DLC1: variants seen among roughly 807,000 people sequenced by gnomAD.
The protein encoded by DLC1 is rho GTPase-activating protein 7.
DLC1 carries 54 observed loss-of-function variants against 140.3 expected under a neutral mutation model. The ratio of observed to expected loss-of-function variants is 0.38; its 90% confidence interval spans 0.31 to 0.48. The LOEUF (loss-of-function observed/expected upper bound fraction) is 0.48. Among genes scored for constraint, DLC1 ranks in the 20% least tolerant of loss-of-function variants. The pLI is 0.96. For missense variants in DLC1, 2,536 were observed against 1,907.0 expected (o/e 1.33, Z -6.14); for synonymous variants, 986 against 728.1 (o/e 1.35, Z -5.70).
chr8:13,473,982 A>T (rs576436228), intron 2 of DLC1, among the ~76,000 whole-genome samples: 14 of 152,348 alleles, frequency 9.2e-5, no homozygotes, highest in Admixed American at 3.9e-4. Context: ...GAGAAATTCA[A>T]GCCAGCTGCA....
At chr8:13,442,949 C>G (rs936319841) in intron 2 of DLC1, among the ~76,000 whole-genome samples, 1 of 152,104 alleles carries the variant, frequency 6.6e-6, no homozygotes, top group Non-Finnish European at 1.5e-5. Context: ...GACTTGGAAC[C>G]AACCCAAATG....
chr8:13,359,564 T>C (rs1366381803), intron 4 of DLC1, among the ~76,000 whole-genome samples: 2 of 152,218 alleles, frequency 1.3e-5, no homozygotes, highest in East Asian at 1.9e-4. Context: ...AAACGATGCA[T>C]TGGAAAGGAA....
chr8:13,485,664 C>A (rs922139097), intron 2 of DLC1, among the ~76,000 whole-genome samples: 1 of 152,176 alleles, frequency 6.6e-6, no homozygotes, highest in Non-Finnish European at 1.5e-5. Flanking sequence ...AATTAAATCT[C>A]GTAATCTACA....
At chr8:13,255,371 C>A (rs867201479) in intron 5 of DLC1, among the ~76,000 whole-genome samples, 9 of 152,158 alleles carry the variant, frequency 5.9e-5, no homozygotes, top group Middle Eastern at 3.4e-3. Flanking sequence ...TGTATAAAAG[C>A]CTATAGCAGT....
At chr8:13,294,351 A>T (rs1831868744) in intron 5 of DLC1, among the ~76,000 whole-genome samples, 3 of 151,976 alleles carry the variant, frequency 2.0e-5, no homozygotes, top group African/African-American at 4.8e-5. Context: ...GCTGAGATAA[A>T]TGGAACGCTC....
chr8:13,334,647 C>T (rs764115421), intron 4 of DLC1, among the ~76,000 whole-genome samples: 25 of 152,066 alleles, frequency 1.6e-4, no homozygotes, highest in East Asian at 3.9e-4. Flanking sequence ...GACTTACTAA[C>T]GCATGGACTG....
chr8:13,543,670 A>T (rs1803559464), intron 1 of DLC1, among the ~76,000 whole-genome samples: 1 of 152,226 alleles, frequency 6.6e-6, no homozygotes, highest in South Asian at 2.1e-4. Flanking sequence ...CATAAAAAAG[A>T]ACAAAATAAT....
intron 6 of DLC1, among the ~76,000 whole-genome samples, chr8:13,114,355 C>T (rs1408801850): frequency 1.3e-5 from 2 of 152,186 alleles, no homozygotes. Flanking sequence ...GAGCGAGACT[C>T]CGTCTCAAAA....
rs1801742666 is a variant in DLC1 at position 13,500,158 on chromosome 8, A to T, written c.-87T>A. The T allele has an allele frequency of 1.2e-5, 15 of 1,256,744 alleles. No homozygotes were observed. The East Asian group carries it at 3.5e-4, about 29-fold the overall frequency. The allele number at this position is 1,256,744 out of a possible 1,614,324, so 77.8% of individuals were successfully genotyped here. A position where few individuals can be genotyped will look rare whatever the true frequency, so the allele number is the denominator to read the frequency against. On this transcript the variant is annotated 5_prime_UTR_variant, in exon 2 of 18. An upstream open reading frame in the 5' UTR loses its in-frame stop. Transcript: ENST00000276297. ...CTTGATGAAAGATTATTTCAAAATC[A>T]CCAATCAAAGAAGCGAATGAGTTCT...
At chr8:13,258,951 C>T (rs1243974204) in intron 5 of DLC1, among the ~76,000 whole-genome samples, 1 of 151,938 alleles carries the variant, frequency 6.6e-6, no homozygotes, top group Admixed American at 6.6e-5. Context: ...TCCTGGCTAA[C>T]ACGGTGAAAC....
At chr8:13,371,583 C>CTT (rs36085176) in intron 4 of DLC1, among the ~76,000 whole-genome samples, 201 of 147,320 alleles carry the variant, frequency 1.4e-3, no homozygotes, top group Middle Eastern at 3.5e-3. Flanking sequence ...CTCACAATGA[C>CTT]TTTTTTTTTT....
At chr8:13,261,348 A>T (rs1037252683) in intron 5 of DLC1, among the ~76,000 whole-genome samples, 76 of 139,504 alleles carry the variant, frequency 5.4e-4, no homozygotes, top group Admixed American at 1.5e-3. Context: ...GCCAGAGTGT[A>T]TAGAATGGGA....
intron 5 of DLC1, among the ~76,000 whole-genome samples, chr8:13,242,164 A>G (rs886671354): frequency 2.6e-5 from 4 of 152,052 alleles, no homozygotes; most frequent in Non-Finnish European, 5.9e-5. Context: ...CAGGTTGTTC[A>G]TCTTGTCTTC....
chr8:13,350,572 C>A (rs113278857), intron 4 of DLC1, among the ~76,000 whole-genome samples: 1 of 152,066 alleles, frequency 6.6e-6, no homozygotes, highest in Non-Finnish European at 1.5e-5. Context: ...AAAAATTAGC[C>A]GGGCGTGGTG....
At chr8:13,134,606 C>T (rs1822414937) in intron 5 of DLC1, among the ~76,000 whole-genome samples, 1 of 152,036 alleles carries the variant, frequency 6.6e-6, no homozygotes, top group Admixed American at 6.6e-5. Context: ...GGTTTCATAG[C>T]GATATCTTAG....
At chr8:13,486,446 C>T (rs1036169604) in intron 2 of DLC1, among the ~76,000 whole-genome samples, 7 of 151,946 alleles carry the variant, frequency 4.6e-5, no homozygotes, top group East Asian at 3.9e-4. Context: ...TGTTACATTT[C>T]GATGTTGGCC....
chr8:13,287,265 G>A (rs1831565585), intron 5 of DLC1, among the ~76,000 whole-genome samples: 1 of 152,166 alleles, frequency 6.6e-6, no homozygotes, highest in Admixed American at 6.5e-5. Context: ...GGTCTAGACA[G>A]ATGGTCAGAG....
intron 5 of DLC1, among the ~76,000 whole-genome samples, chr8:13,203,044 A>G (rs1827481218): frequency 2.6e-5 from 4 of 152,166 alleles, no homozygotes. Context: ...GTCTTTCATG[A>G]AAACCGAATA....
At chr8:13,130,061 T>C (rs1821950346) in intron 5 of DLC1, among the ~76,000 whole-genome samples, 1 of 152,194 alleles carries the variant, frequency 6.6e-6, no homozygotes, top group Non-Finnish European at 1.5e-5. Context: ...CACTGTACTC[T>C]GGATGCCCCC....
Sources: allele counts gnomAD v4.1 joint callset (sites outside exome capture counted in the v4.1 genomes callset), GRCh38; gene constraint gnomAD v4.1.1; transcripts MANE v1.5; gene names NCBI Gene and HGNC (gene_info 2026-07-23, HGNC 2026-07-21).